Variants in GLOD4 observed in about 807,000 individuals in gnomAD.
GLOD4 encodes the protein glyoxalase domain-containing protein 4.
A neutral mutation model predicts 39.1 loss-of-function variants in GLOD4; 44 were observed. The observed-to-expected ratio is 1.13, with a 90% CI of 0.88 to 1.45. The LOEUF (loss-of-function observed/expected upper bound fraction) is 1.45. GLOD4 is among the 40% of genes most tolerant of loss of function. The pLI is 0.00. For missense variants in GLOD4, 405 were observed against 366.4 expected, an observed-to-expected ratio of 1.11 and a Z score of -0.86; for synonymous variants, 145 against 135.0, an observed-to-expected ratio of 1.07 and a Z score of -0.52.
upstream of GLOD4, chr17:782,399 C>A: frequency 1.2e-6 from 2 of 1,613,800 alleles, no homozygotes; most frequent in Admixed American, 1.7e-5. Context: ...TGGTGAGACC[C>A]GCGAGGTTTG....
intron 1 of GLOD4, among the ~76,000 whole-genome samples, chr17:781,162 C>T (rs2144492189): frequency 6.6e-6 from 1 of 152,084 alleles, no homozygotes; most frequent in East Asian, 1.9e-4. Flanking sequence ...CTCCAGTGAT[C>T]CACCCGCCTT....
At chr17:772,322 TG>T (rs2144390275) in intron 4 of GLOD4, among the ~76,000 whole-genome samples, 1 of 150,942 alleles carries the variant, frequency 6.6e-6, no homozygotes, top group Admixed American at 6.6e-5. Context: ...ACATTCCTGA[TG>T]GGTTAAAAAA....
At chr17:781,672 C>T (rs1179422409) in intron 1 of GLOD4, among the ~76,000 whole-genome samples, 1 of 152,144 alleles carries the variant, frequency 6.6e-6, no homozygotes, top group Non-Finnish European at 1.5e-5. Flanking sequence ...CAGACCGCTT[C>T]TGGGTGCTGT....
chr17:774,091 G>C (rs903756363), intron 4 of GLOD4, among the ~76,000 whole-genome samples: 4 of 152,174 alleles, frequency 2.6e-5, no homozygotes, highest in Admixed American at 1.3e-4. Flanking sequence ...AAGTTTTAAA[G>C]TCAGCAAAGG....
intron 1 of GLOD4, chr17:781,907 T>C: frequency 2.1e-6 from 1 of 479,386 alleles, no homozygotes; most frequent in Non-Finnish European, 3.7e-6. Context: ...CGGGGCTCAA[T>C]AAACGTTTAC....
intron 8 of GLOD4, 67 bp downstream of exon 8, chr17:769,802 C>CT: frequency 1.0e-6 from 1 of 961,588 alleles, no homozygotes; most frequent in Non-Finnish European, 1.7e-6. Context: ...GCTTAGTCTC[C>CT]TCCCACACAC....
At chr17:770,197 A>G (rs746796656) in intron 6 of GLOD4, 40 bp from the exon 7 acceptor site, 13 of 1,051,418 alleles carry the variant, frequency 1.2e-5, no homozygotes, top group Non-Finnish European at 1.8e-5. Context: ...GGGGTCACAC[A>G]CTACTCAGGA....
chr17:769,789 G>A, intron 8 of GLOD4, 80 bp downstream of exon 8: 3 of 892,298 alleles, frequency 3.4e-6, no homozygotes, highest in Non-Finnish European at 5.7e-6. Flanking sequence ...CCTGGACCCT[G>A]TTGCTTAGTC....
At chr17:777,146 G>A in intron 2 of GLOD4, 158 bp from the exon 3 acceptor site, 1 of 654,464 alleles carries the variant, frequency 1.5e-6, no homozygotes, top group Non-Finnish European at 2.7e-6. Context: ...AGCAGCTGTG[G>A]GCAGTGCTCA....
chr17:782,952 T>G, upstream of GLOD4: 1 of 1,319,446 alleles, frequency 7.6e-7, no homozygotes, highest in Non-Finnish European at 1.0e-6. Flanking sequence ...CCTCCCAATG[T>G]GCTGGGATTA....
intron 1 of GLOD4, 103 bp downstream of exon 1, chr17:782,063 G>T: frequency 1.3e-6 from 1 of 791,242 alleles, no homozygotes; most frequent in Non-Finnish European, 2.0e-6. Context: ...GACACCCTCC[G>T]GCTTAGGTTC....
Position 770,196 on chromosome 17 carries a change from C to T in GLOD4, c.631-39G>A, listed in dbSNP as rs758340343. 1.2e-5 allele frequency: 13 copies of T among 1,112,748 alleles called. No individual in the cohort carries two copies. In the East Asian group the frequency reaches 3.1e-4, roughly 26 times the overall value. The allele number at this position is 1,112,748 out of a possible 1,614,324, so 68.9% of individuals were successfully genotyped here. A position where few individuals can be genotyped will look rare whatever the true frequency, so the allele number is the denominator to read the frequency against. ...GAGGCAACGTGAGCCAGGGGTCACA[C>T]ACTACTCAGGACACGGCCCTCGTCA... On this transcript the variant is annotated intron_variant, in intron 6 of 8. Coordinates refer to ENST00000301329, the MANE Select transcript of GLOD4 (RefSeq NM_016080.4).
upstream of GLOD4, among the ~76,000 whole-genome samples, chr17:785,318 A>G (rs909619116): frequency 1.3e-5 from 2 of 152,160 alleles, no homozygotes; most frequent in Admixed American, 6.5e-5. Context: ...TAATATTGTT[A>G]TTAGCCTTTT....
intron 4 of GLOD4, among the ~76,000 whole-genome samples, chr17:771,756 G>C (rs536416848): frequency 1.3e-5 from 2 of 152,304 alleles, no homozygotes; most frequent in South Asian, 4.1e-4. Context: ...TGTAATCCCA[G>C]CACTTTGGGA....
chr17:763,398 C>T (rs1460355176), intron 8 of GLOD4, among the ~76,000 whole-genome samples: 1 of 151,658 alleles, frequency 6.6e-6, no homozygotes, highest in Non-Finnish European at 1.5e-5. Flanking sequence ...ATCCCAGCTA[C>T]TCGGGAATCC....
At position 771,456 on chromosome 17, in the gene GLOD4, C is replaced by T. The variant is rs146979961; in HGVS notation, c.412G>A (p.Val138Ile). 7.0e-6 allele frequency: 11 copies of T among 1,560,644 alleles called. No individual in the cohort carries two copies. Among genetic ancestry groups the T allele is most frequent in the South Asian group, 1.2e-5 (1 of 85,842 alleles). Residue 138 changes from valine to isoleucine, a missense_variant, in exon 5 of 9, where the codon GTA (valine) becomes ATA (isoleucine). Physicochemically the swap from Val to Ile is conservative, Grantham distance 29 (BLOSUM62 3). Transcript: ENST00000301329. ...QNRSLPQSDP[V>I]LKVTLAVSDL... is the part of the protein sequence containing the mutation. ...GACACTGCTAGAGTTACTTTTAATACAGGATCTGTTGGGTAATAAAGCAGG... is the reference window on the plus strand; with the variant it reads ...GACACTGCTAGAGTTACTTTTAATATAGGATCTGTTGGGTAATAAAGCAGG...
At chr17:782,660 C>A (rs1325131258), upstream of GLOD4, 1 of 1,611,086 alleles carries the variant, frequency 6.2e-7, no homozygotes, top group South Asian at 1.1e-5. Flanking sequence ...GGCTTCGCTA[C>A]GATAAAGCTT....
rs1271259672 is a variant in GLOD4 at position 782,186 on chromosome 17, G to A, written c.70C>T (p.Arg24Trp). 1.2e-6 allele frequency: 2 copies of A among 1,608,110 alleles called. No individual in the cohort carries two copies. Among genetic ancestry groups the A allele is most frequent in the Non-Finnish European group, 8.5e-7 (1 of 1,175,858 alleles). The change falls in exon 1 of 9, where the codon CGG (arginine) becomes TGG (tryptophan). Residue 24 changes from arginine (R) to tryptophan (W), a missense_variant. By Grantham distance (101) the Arg-to-Trp change is moderately radical (BLOSUM62 -3). Coordinates refer to ENST00000301329, the MANE Select transcript of GLOD4 (RefSeq NM_016080.4). The stretch of plus-strand genomic sequence containing the variant: ...TGCACCTTCATCCCCAGGACGTCCC[G>A]ATAGAAACGCGCCGTCTGGAAGCGG... ...GNRFQTARFYRDVLGMKVLRH... is the reference protein window; with the variant it reads ...GNRFQTARFYWDVLGMKVLRH...
At chr17:776,338 C>T (rs898973251) in intron 3 of GLOD4, among the ~76,000 whole-genome samples, 4 of 152,196 alleles carry the variant, frequency 2.6e-5, no homozygotes, top group African/African-American at 9.7e-5. Context: ...TAGAAATGTA[C>T]ACGTGTGCTT....
Sources: allele counts gnomAD v4.1 joint callset (sites outside exome capture counted in the v4.1 genomes callset), GRCh38; gene constraint gnomAD v4.1.1; transcripts MANE v1.5; gene names NCBI Gene and HGNC (gene_info 2026-07-23, HGNC 2026-07-21).